The following FAM209B variants were observed in gnomAD, a reference collection of about 807,000 sequenced individuals.
FAM209B encodes family with sequence similarity 209 member B.
In FAM209B, 8 loss-of-function variants were observed where a neutral mutation model predicts 8.9. The observed-to-expected ratio is 0.90, with a 90% confidence interval of 0.53 to 1.62. The LOEUF (loss-of-function observed/expected upper bound fraction) is 1.62. FAM209B is among the 40% of genes most tolerant of loss of function. The pLI, the probability that FAM209B is intolerant of heterozygous loss-of-function variation, is 0.00. For synonymous variants in FAM209B, 67 were observed against 75.0 expected (o/e 0.89, Z 0.55); for missense variants, 175 against 205.3 (o/e 0.85, Z 0.90).
intron 1 of FAM209B, 89 bp downstream of exon 1, chr20:56,533,679 C>G (rs1057167928): frequency 1.3e-6 from 2 of 1,557,794 alleles, no homozygotes; most frequent in Non-Finnish European, 1.7e-6. Flanking sequence ...TAGGCGGCAC[C>G]GTTGGGTATA....
intron 1 of FAM209B, among the ~76,000 whole-genome samples, chr20:56,535,390 G>A (rs571230335): frequency 6.6e-6 from 1 of 151,708 alleles, no homozygotes; most frequent in Non-Finnish European, 1.5e-5. Flanking sequence ...TCAGGAGTTC[G>A]AGACCAGCCT....
In FAM209B at chr20:56,536,221, AG is replaced by A. The variant is rs772382054; in HGVS notation, c.300del (p.Asn102IlefsTer15). ...LRGFPFRTPL[K>X]KNQNASLYKD... ...GGCTTCCCATTTCGCACTCCACTAAAGAAAAATCAAAATGCTTCTCTTTACA... is the reference window on the plus strand; with the variant it reads ...GGCTTCCCATTTCGCACTCCACTAAAAAAAATCAAAATGCTTCTCTTTACA... On this transcript the variant is annotated frameshift_variant, in exon 2 of 2. Transcript: ENST00000371325. LOFTEE classifies it low-confidence loss of function (END_TRUNC). 2.5e-6 allele frequency: 4 copies of A among 1,591,634 alleles called. No homozygotes were observed. Among genetic ancestry groups the A allele is most frequent in the Non-Finnish European group, 2.6e-6 (3 of 1,168,520 alleles).
intron 1 of FAM209B, among the ~76,000 whole-genome samples, chr20:56,534,214 C>T (rs1985882403): frequency 6.6e-6 from 1 of 152,158 alleles, no homozygotes. Flanking sequence ...GGGCCAAATT[C>T]ACTGTTCCCT....
chr20:56,533,646 G>A (rs912189509), intron 1 of FAM209B, 56 bp downstream of exon 1: 1 of 1,599,000 alleles, frequency 6.3e-7, no homozygotes, highest in Non-Finnish European at 8.5e-7. Context: ...GGAGTCTCAG[G>A]GAAACGGATG....
chr20:56,533,438 C>T lies in FAM209B; in HGVS notation c.97C>T (p.Gln33Ter). 2 of 1,611,852 alleles carry T rather than the reference C, an allele frequency of 1.2e-6. No homozygotes were observed. Among genetic ancestry groups the T allele is most frequent in the Admixed American group, 1.7e-5 (1 of 59,974 alleles). The change falls in exon 1 of 2, where the codon CAG (glutamine) becomes TAG (stop). Residue 33 changes from glutamine to a stop codon, truncating the protein, a stop_gained. Coordinates refer to ENST00000371325, the MANE Select transcript of FAM209B (RefSeq NM_001013646.4). LOFTEE classifies it high-confidence loss of function. ...TCTGAGACAGAAAACTAGCGAACCC[C>T]AGGGGAAGGTGCCGTGTGGAGAGCA... ...SSLRQKTSEP[Q>*]GKVPCGEHFR... is the part of the protein sequence containing the mutation.
chr20:56,534,825 G>A (rs1306570831), intron 1 of FAM209B, among the ~76,000 whole-genome samples: 6 of 151,066 alleles, frequency 4.0e-5, no homozygotes, highest in African/African-American at 1.2e-4. Flanking sequence ...AGGCCGAGGC[G>A]GACGGATCAT....
chr20:56,536,215 C>T lies in FAM209B; in HGVS notation c.293C>T (p.Pro98Leu). ...CTTCGAGGCTTCCCATTTCGCACTC[C>T]ACTAAAGAAAAATCAAAATGCTTCT... ...PGLRGFPFRT[P>L]LKKNQNASLY... Residue 98 changes from proline (P) to leucine (L), a missense_variant, in exon 2 of 2, where the codon CCA (proline) becomes CTA (leucine). By Grantham distance (98) the Pro-to-Leu change is moderately conservative. Transcript: ENST00000371325. 5 of 1,588,430 alleles carry T rather than the reference C, an allele frequency of 3.1e-6. No homozygotes were observed. The highest frequency in any genetic ancestry group is 8.6e-7 in the Non-Finnish European group (1 of 1,166,756).
chr20:56,533,322 C>T lies in FAM209B; in HGVS notation c.-20C>T, dbSNP rs1985836191. ...AAGCAAACCCGTCATGAGCAACTCCCTTCCCCATCTCTGCTCACCATGTGG... is the reference window on the plus strand; with the variant it reads ...AAGCAAACCCGTCATGAGCAACTCCTTTCCCCATCTCTGCTCACCATGTGG... On this transcript the variant is annotated 5_prime_UTR_variant, in exon 1 of 2. Transcript: ENST00000371325. The T allele has an allele frequency of 6.2e-7, 1 of 1,612,954 alleles. No homozygotes were observed. The highest frequency in any genetic ancestry group is 1.1e-5 in the South Asian group (1 of 91,012).
At chr20:56,535,381 C>T (rs1450040982) in intron 1 of FAM209B, among the ~76,000 whole-genome samples, 1 of 151,934 alleles carries the variant, frequency 6.6e-6, no homozygotes, top group African/African-American at 2.4e-5. Context: ...CACCTGAGGT[C>T]AGGAGTTCGA....
Position 56,535,078 on chromosome 20 carries a change from C to T in FAM209B, c.250-1094C>T, listed in dbSNP as rs527926433. 2.5e-3 allele frequency among the ~76,000 whole-genome samples: 373 copies of T among 149,948 alleles called. 2 individuals carry two copies. The highest frequency in any genetic ancestry group is 8.5e-3 in the African/African-American group (343 of 40,536). ...AAAAAAAAAAAATACAGAAATTAGC[C>T]AGGTGTGGTGGCACACCCCTGTAAT... On this transcript the variant is annotated intron_variant, in intron 1 of 1. Coordinates refer to ENST00000371325, the MANE Select transcript of FAM209B (RefSeq NM_001013646.4).
chr20:56,536,209 G>T lies in FAM209B; in HGVS notation c.287G>T (p.Arg96Leu), dbSNP rs374650237. The T allele has an allele frequency of 1.3e-6, 2 of 1,572,694 alleles. No homozygotes were observed. The highest frequency in any genetic ancestry group is 2.3e-5 in the East Asian group (1 of 44,258). The change falls in exon 2 of 2, where the codon CGC (arginine) becomes CTC (leucine). Residue 96 changes from arginine (R) to leucine (L), a missense_variant. By Grantham distance (102) the Arg-to-Leu change is moderately radical (BLOSUM62 -2). Coordinates refer to ENST00000371325, the MANE Select transcript of FAM209B (RefSeq NM_001013646.4). The stretch of plus-strand genomic sequence containing the variant: ...CCTGGCCTTCGAGGCTTCCCATTTC[G>T]CACTCCACTAAAGAAAAATCAAAAT... ...SPPGLRGFPF[R>L]TPLKKNQNAS... is the part of the protein sequence containing the mutation.
chr20:56,536,484 T>C lies in FAM209B; in HGVS notation c.*46T>C. 2 of 1,522,554 alleles carry C rather than the reference T, an allele frequency of 1.3e-6. No individual in the cohort carries two copies. Among genetic ancestry groups the C allele is most frequent in the Non-Finnish European group, 1.8e-6 (2 of 1,135,488 alleles). 94.3% of individuals were successfully genotyped at this position (1,522,554 alleles called of 1,614,324 possible). The stretch of plus-strand genomic sequence containing the variant: ...AGAAAAAAGTTGAGTGTTGACAAAC[T>C]GTATGCAAACTAATAAAACTATTCT... On this transcript the variant is annotated 3_prime_UTR_variant, in exon 2 of 2. Transcript: ENST00000371325.
At chr20:56,535,265 T>C (rs1985931085) in intron 1 of FAM209B, among the ~76,000 whole-genome samples, 1 of 150,366 alleles carries the variant, frequency 6.7e-6, no homozygotes, top group Middle Eastern at 3.6e-3. Context: ...GCACCTGTGG[T>C]CCCAGCTACT....
At chr20:56,534,255 T>TA (rs1312975766) in intron 1 of FAM209B, among the ~76,000 whole-genome samples, 6 of 152,274 alleles carry the variant, frequency 3.9e-5, no homozygotes, top group African/African-American at 1.4e-4. Flanking sequence ...GTGCTTGACT[T>TA]ACTGAAAATT....
intron 1 of FAM209B, among the ~76,000 whole-genome samples, chr20:56,534,600 T>C (rs1237016268): frequency 6.6e-6 from 1 of 150,744 alleles, no homozygotes; most frequent in African/African-American, 2.4e-5. Context: ...ATACAAAACC[T>C]AGCTGGGCGT....
intron 1 of FAM209B, among the ~76,000 whole-genome samples, chr20:56,534,476 C>A (rs1019714323): frequency 6.6e-6 from 1 of 151,656 alleles, no homozygotes; most frequent in African/African-American, 2.4e-5. Context: ...TTAGGCCAGG[C>A]GCGGTGGCTC....
chr20:56,534,574 C>G (rs1985898392), intron 1 of FAM209B, among the ~76,000 whole-genome samples: 1 of 150,552 alleles, frequency 6.6e-6, no homozygotes, highest in African/African-American at 2.4e-5. Context: ...ATGGTGAAAC[C>G]CTGTCTCTAC....
rs757224033 is a variant in FAM209B, at chr20:56,536,219, A to G, written c.297A>G (p.Leu99=). 6.3e-7 allele frequency: 1 copy of G among 1,590,920 alleles called. No homozygotes were observed. The highest frequency in any genetic ancestry group is 1.8e-5 in the Admixed American group (1 of 56,284). Residue 99 remains leucine (L), a synonymous_variant, in exon 2 of 2, where the codon CTA becomes CTG. Transcript: ENST00000371325. ...GAGGCTTCCCATTTCGCACTCCACT[A>G]AAGAAAAATCAAAATGCTTCTCTTT... The part of the protein sequence containing the change: ...GLRGFPFRTP[L]KKNQNASLYK...
At chr20:56,534,445 T>A (rs1053825550) in intron 1 of FAM209B, among the ~76,000 whole-genome samples, 11 of 151,538 alleles carry the variant, frequency 7.3e-5, no homozygotes, top group African/African-American at 2.7e-4. Context: ...TGAAACCTCG[T>A]CTTTACTAAA....
Sources: gnomAD v4.1 joint callset for allele counts (sites outside exome capture counted in the v4.1 genomes callset) on GRCh38, gnomAD v4.1.1 for gene constraint, MANE v1.5 for transcripts, NCBI Gene and HGNC (gene_info 2026-07-23, HGNC 2026-07-21) for gene names.